Variants in RYR2 observed in about 807,000 individuals in gnomAD.
RYR2 encodes the protein ryanodine receptor 2.
A neutral mutation model predicts 601.1 loss-of-function variants in RYR2; 227 were observed. The observed-to-expected ratio is 0.38, with a 90% CI of 0.34 to 0.42. The LOEUF is 0.42. Ranked by LOEUF, RYR2 falls within the 10% of genes least tolerant of loss-of-function variation. RYR2 has a pLI of 1.00. For missense variants in RYR2, 4,646 were observed against 6,156.5 expected (o/e 0.75, Z 8.21); for synonymous variants, 2,223 against 2,175.1 (o/e 1.02, Z -0.61).
chr1:237,439,399 C>T (rs1028120062), intron 12 of RYR2, among the ~76,000 whole-genome samples: 5 of 152,158 alleles, frequency 3.3e-5, no homozygotes, highest in African/African-American at 4.8e-5. Context: ...AATCCCTGCC[C>T]TTTGGGAGGC....
intron 2 of RYR2, among the ~76,000 whole-genome samples, chr1:237,295,821 C>T (rs189513159): frequency 3.9e-5 from 6 of 152,162 alleles, no homozygotes; most frequent in South Asian, 4.2e-4. Flanking sequence ...ACAGTAAACA[C>T]GCTATTTAGA....
At chr1:237,206,068 GAAGAATATGACTTC>G (rs1681780181) in intron 1 of RYR2, among the ~76,000 whole-genome samples, 1 of 152,224 alleles carries the variant, frequency 6.6e-6, no homozygotes, top group Admixed American at 6.5e-5. Context: ...GGAGCTCCGG[GAAGAATATGACTTC>G]AAGAGGCAGA....
intron 1 of RYR2, among the ~76,000 whole-genome samples, chr1:237,208,789 C>T (rs587020): frequency 0.39 from 58,973 of 150,472 alleles, 12,879 homozygotes; most frequent in Admixed American, 0.5. Context: ...CAGGGACCCA[C>T]CCTACTGTAC....
chr1:237,461,462 A>C (rs1033316184), intron 16 of RYR2, among the ~76,000 whole-genome samples: 1 of 152,062 alleles, frequency 6.6e-6, no homozygotes, highest in Non-Finnish European at 1.5e-5. Context: ...CAGCAACCAG[A>C]TGTTGCTGGT....
rs188170538 is a variant in RYR2 at position 237,325,195 on chromosome 1, G to A, written c.169-5683G>A. 2.0e-5 allele frequency among the ~76,000 whole-genome samples: 3 copies of A among 152,298 alleles called. No homozygotes were observed. The East Asian group carries it at 5.8e-4, about 29-fold the overall frequency. On this transcript the variant is annotated intron_variant, in intron 2 of 104. Coordinates refer to ENST00000366574, the MANE Select transcript of RYR2 (RefSeq NM_001035.3). ...CTTCAGCAGGAATATGGTGTATCTA[G>A]ATTCTGTGGCAGTCATGCCAATGAA...
At chr1:237,652,181 T>C (rs1682826524) in intron 51 of RYR2, among the ~76,000 whole-genome samples, 1 of 152,238 alleles carries the variant, frequency 6.6e-6, no homozygotes, top group African/African-American at 2.4e-5. Flanking sequence ...AAGTTAATAA[T>C]CACATGACAG....
intron 11 of RYR2, among the ~76,000 whole-genome samples, chr1:237,417,764 T>C (rs1558784237): frequency 6.6e-6 from 1 of 152,170 alleles, no homozygotes; most frequent in Admixed American, 6.5e-5. Flanking sequence ...TCCTTTTAGT[T>C]CCTGTAAATG....
intron 1 of RYR2, among the ~76,000 whole-genome samples, chr1:237,254,249 A>G (rs1410881594): frequency 6.6e-6 from 1 of 152,150 alleles, no homozygotes; most frequent in African/African-American, 2.4e-5. Context: ...TGTTTGTGCA[A>G]TACAAGAAAA....
chr1:237,751,707 A>G (rs2177065), intron 80 of RYR2, among the ~76,000 whole-genome samples: 132,521 of 152,198 alleles, frequency 0.87, 59,783 homozygotes, highest in Non-Finnish European at 0.98. Context: ...GTCTCTGTAG[A>G]TTAGTCAAAC....
chr1:237,134,625 G>A (rs1267317668), intron 1 of RYR2, among the ~76,000 whole-genome samples: 1 of 152,148 alleles, frequency 6.6e-6, no homozygotes, highest in East Asian at 1.9e-4. Flanking sequence ...GATTTGGGTG[G>A]GGACACAGCC....
At chr1:237,115,221 C>T (rs1669922055) in intron 1 of RYR2, among the ~76,000 whole-genome samples, 1 of 137,404 alleles carries the variant, frequency 7.3e-6, no homozygotes, top group South Asian at 2.4e-4. Flanking sequence ...GAGGCCACGC[C>T]TTCGTGGAAA....
chr1:237,627,845 T>C lies in RYR2; in HGVS notation c.6205T>C (p.Trp2069Arg). The C allele has an allele frequency of 6.2e-7, 1 of 1,611,736 alleles. No homozygotes were observed. The highest frequency in any genetic ancestry group is 1.1e-5 in the South Asian group (1 of 90,888). ...QQLISETMVR[W>R]AQESVIEDPE... Reference sequence around the variant, plus strand: ...GCTGATTTCTGAGACCATGGTCCGATGGGCTCAGGAGTCTGTCATTGAAGA... The same window carrying C: ...GCTGATTTCTGAGACCATGGTCCGACGGGCTCAGGAGTCTGTCATTGAAGA... The change falls in exon 41 of 105, where the codon TGG becomes CGG. Residue 2069 changes from tryptophan (W) to arginine (R), a missense_variant. By Grantham distance (101) the Trp-to-Arg change is moderately radical. Transcript: ENST00000366574.
chr1:237,704,575 G>A (rs150041959), intron 66 of RYR2, among the ~76,000 whole-genome samples: 72 of 151,886 alleles, frequency 4.7e-4, no homozygotes, highest in African/African-American at 1.6e-3. Flanking sequence ...TCTTATTGCT[G>A]TAGCTTTTGT....
intron 35 of RYR2, among the ~76,000 whole-genome samples, chr1:237,608,842 T>A (rs1363539492): frequency 6.7e-6 from 1 of 149,126 alleles, no homozygotes; most frequent in Non-Finnish European, 1.5e-5. Flanking sequence ...CAAGGAGTTG[T>A]AGTTTCTCAG....
intron 1 of RYR2, among the ~76,000 whole-genome samples, chr1:237,238,547 C>T (rs1272235320): frequency 1.3e-5 from 2 of 152,158 alleles, no homozygotes; most frequent in Non-Finnish European, 2.9e-5. Context: ...AAATATTTTA[C>T]AGAGCTTGAC....
intron 71 of RYR2, among the ~76,000 whole-genome samples, chr1:237,715,835 T>C (rs1689224901): frequency 6.6e-6 from 1 of 152,190 alleles, no homozygotes; most frequent in African/African-American, 2.4e-5. Flanking sequence ...TTTAGGATAG[T>C]GGTTCTTCCT....
At chr1:237,830,488 G>A in intron 102 of RYR2, 42 bp from the exon 103 acceptor site, 2 of 1,228,700 alleles carry the variant, frequency 1.6e-6, no homozygotes, top group African/African-American at 3.0e-5. Context: ...CTTTTGTTTT[G>A]CTTTCTGAAC....
rs192963455 is a variant in RYR2 at position 237,823,329 on chromosome 1, C to G, written c.14590+4137C>G. 6.5e-3 allele frequency among the ~76,000 whole-genome samples: 982 copies of G among 152,212 alleles called. 11 individuals carry two copies. Among genetic ancestry groups the G allele is most frequent in the Middle Eastern group, 0.02 (6 of 294 alleles). ...AAAAGAATGGAAATCATAACAGAGT[C>G]TCTCAGACCACAGTGCAATCAAATT... On this transcript the variant is annotated intron_variant, in intron 101 of 104. Coordinates refer to ENST00000366574, the MANE Select transcript of RYR2 (RefSeq NM_001035.3).
In RYR2 at chr1:237,355,998, A is replaced by G; in HGVS notation, c.294+13A>G. On this transcript the variant is annotated intron_variant, in intron 4 of 104. Coordinates refer to ENST00000366574, the MANE Select transcript of RYR2 (RefSeq NM_001035.3). ...TGTGGAAAAATGGGTATGTGTTTCC[A>G]TGTATTTGCAAAGAAATTGTGATCT... 1 of 1,605,586 alleles carries G rather than the reference A, an allele frequency of 6.2e-7. No individual in the cohort carries two copies.
Sources: allele counts gnomAD v4.1 joint callset (sites outside exome capture counted in the v4.1 genomes callset), GRCh38; gene constraint gnomAD v4.1.1; transcripts MANE v1.5; gene names NCBI Gene and HGNC (gene_info 2026-07-23, HGNC 2026-07-21).